INTS6L: variants seen among roughly 807,000 people sequenced by gnomAD.
INTS6L encodes the protein integrator complex subunit 6-like.
A neutral mutation model predicts 64.7 loss-of-function variants in INTS6L; 18 were observed. The observed-to-expected ratio is 0.28, with a 90% CI of 0.19 to 0.41. The LOEUF is 0.41. Among genes scored for constraint, INTS6L ranks in the 10% least tolerant of loss-of-function variants. INTS6L has a pLI of 1.00. For missense variants in INTS6L, 533 were observed against 661.0 expected (o/e 0.81, Z 2.12); for synonymous variants, 227 against 235.9 (o/e 0.96, Z 0.34).
At chrX:135,536,187 C>G (rs1556508641) in intron 2 of INTS6L, among the ~76,000 whole-genome samples, 1 of 112,089 alleles carries the variant, frequency 8.9e-6, no homozygotes, top group East Asian at 2.8e-4. Flanking sequence ...TGTGAAGGAG[C>G]CTGGCTTGTG....
intron 2 of INTS6L, among the ~76,000 whole-genome samples, chrX:135,541,314 C>T (rs184472031): frequency 2.7e-5 from 3 of 112,224 alleles, no homozygotes; most frequent in East Asian, 5.5e-4. Context: ...CTACTAGCCA[C>T]ATTAAAAAGT....
At chrX:135,572,617 T>C (rs1437042672) in intron 11 of INTS6L, 198 bp from the exon 12 acceptor site, 1 of 325,871 alleles carries the variant, frequency 3.1e-6, no homozygotes, top group Admixed American at 5.5e-5. Flanking sequence ...AAAAAAAATA[T>C]TATTTGTCTT....
chrX:135,574,029 A>G lies in INTS6L; in HGVS notation c.1708A>G (p.Lys570Glu). 8.3e-7 allele frequency: 1 copy of G among 1,204,802 alleles called. No individual in the cohort carries two copies. Among genetic ancestry groups the G allele is most frequent in the Non-Finnish European group, 1.1e-6 (1 of 893,371 alleles). Residue 570 changes from lysine to glutamate, a missense_variant, in exon 13 of 18, where the codon AAA (lysine) becomes GAA (glutamate). Coordinates refer to ENST00000639893, the MANE Select transcript of INTS6L (RefSeq NM_001351601.3). ...QLTRMRSNLLKTHKFIVGQDE... is the reference protein window; with the variant it reads ...QLTRMRSNLLETHKFIVGQDE... ...GACCAGAATGAGATCCAATCTGCTGAAAACGCACAAGTTTATTGTTGGACA... is the reference window on the plus strand; with the variant it reads ...GACCAGAATGAGATCCAATCTGCTGGAAACGCACAAGTTTATTGTTGGACA...
chrX:135,551,907 A>T, intron 7 of INTS6L, 87 bp from the exon 8 acceptor site: 1 of 887,871 alleles, frequency 1.1e-6, no homozygotes, highest in Non-Finnish European at 1.5e-6. Flanking sequence ...GTAACAAAAT[A>T]TAAAACGACT....
At chrX:135,524,700 G>C (rs905070511) in intron 2 of INTS6L, among the ~76,000 whole-genome samples, 8 of 111,756 alleles carry the variant, frequency 7.2e-5, no homozygotes, top group Non-Finnish European at 1.5e-4. Flanking sequence ...AATAAATCTT[G>C]TGAAAAGTTA....
In INTS6L at chrX:135,581,678, G is replaced by T; in HGVS notation, c.*42G>T. Reference sequence around the variant, plus strand: ...AAAAAAATGACAAGTTTTCTGTGCTGTAGGATGGAACAGGATATTGTTGAA... The same window carrying T: ...AAAAAAATGACAAGTTTTCTGTGCTTTAGGATGGAACAGGATATTGTTGAA... On this transcript the variant is annotated 3_prime_UTR_variant, in exon 18 of 18. Coordinates refer to ENST00000639893, the MANE Select transcript of INTS6L (RefSeq NM_001351601.3). 1 of 1,082,800 alleles carries T rather than the reference G, an allele frequency of 9.2e-7. No individual in the cohort carries two copies. Among genetic ancestry groups the T allele is most frequent in the Non-Finnish European group, 1.3e-6 (1 of 780,855 alleles). The allele number at this position is 1,082,800 out of a possible 1,213,427, so 89.2% of individuals were successfully genotyped here. A position where few individuals can be genotyped will look rare whatever the true frequency, so the allele number is the denominator to read the frequency against.
In INTS6L at chrX:135,522,496, A is replaced by G. The variant is rs782586764; in HGVS notation, c.189+1178A>G. On this transcript the variant is annotated intron_variant, in intron 2 of 17. Coordinates refer to ENST00000639893, the MANE Select transcript of INTS6L (RefSeq NM_001351601.3). ...AATTTAAACTGTTAAATCAACCTGCATAAGAGTCCTGCTTGCATATTGAAA... is the reference window on the plus strand; with the variant it reads ...AATTTAAACTGTTAAATCAACCTGCGTAAGAGTCCTGCTTGCATATTGAAA... Among the ~76,000 whole-genome samples the G allele has an allele frequency of 1.2e-4, 14 of 112,396 alleles. No individual in the cohort carries two copies. The East Asian group carries it at 3.1e-3, about 25-fold the overall frequency.
At position 135,549,590 on chromosome X, in the gene INTS6L, G is replaced by T. The variant is rs1301320236; in HGVS notation, c.743-52G>T. On this transcript the variant is annotated intron_variant, in intron 6 of 17. Coordinates refer to ENST00000639893, the MANE Select transcript of INTS6L (RefSeq NM_001351601.3). The stretch of plus-strand genomic sequence containing the variant: ...CTGGAAAATTTGTACAAGAAGATCA[G>T]CAGCTGTAAAAAGAAACTCACGCCT... The T allele has an allele frequency of 3.5e-6, 4 of 1,149,672 alleles. No individual in the cohort carries two copies. The East Asian group carries it at 1.2e-4, about 35-fold the overall frequency. 94.7% of individuals were successfully genotyped at this position (1,149,672 alleles called of 1,213,427 possible).
intron 12 of INTS6L, 78 bp downstream of exon 12, chrX:135,573,111 G>A (rs1230413908): frequency 3.4e-6 from 3 of 870,653 alleles, no homozygotes; most frequent in Admixed American, 2.8e-5. Context: ...CTTTAGTTTT[G>A]AAATAATGGA....
chrX:135,535,957 T>C (rs1471853318), intron 2 of INTS6L, among the ~76,000 whole-genome samples: 1 of 112,513 alleles, frequency 8.9e-6, no homozygotes, highest in Non-Finnish European at 1.9e-5. Context: ...GAAAGCAACA[T>C]GCATTGGCTT....
At position 135,563,661 on chromosome X, in the gene INTS6L, ATATATATAGC is replaced by A. The variant is rs1556523436; in HGVS notation, c.1193-5667_1193-5658del. Among the ~76,000 whole-genome samples, 46 of 4,968 alleles carry A rather than the reference ATATATATAGC, an allele frequency of 9.3e-3. 2 individuals are homozygous for A. Among genetic ancestry groups the A allele is most frequent in the South Asian group, 0.018 (1 of 57 alleles). 4.3% of individuals were successfully genotyped at this position (4,968 alleles called of 115,157 possible). The stretch of plus-strand genomic sequence containing the variant: ...TATATATATATATATATATATAGCT[ATATATATAGC>A]TATATATATAGCTAGGTATAGAATT... On this transcript the variant is annotated intron_variant, in intron 9 of 17. Transcript: ENST00000639893.
intron 7 of INTS6L, among the ~76,000 whole-genome samples, chrX:135,550,545 C>T (rs782259255): frequency 3.7e-5 from 4 of 109,336 alleles, no homozygotes; most frequent in Non-Finnish European, 7.6e-5. Flanking sequence ...CCTGAGTAAT[C>T]TCCCTTGTGT....
In INTS6L at chrX:135,552,129, C is replaced by T. The variant is rs1556517280; in HGVS notation, c.1042C>T (p.Pro348Ser). ...LTQYILERKS[P>S]HTCWQVFVTS... ...TCAGTATATCTTGGAACGAAAGTCTCCCCATACCTGCTGGCAGGTACTTAT... is the reference window on the plus strand; with the variant it reads ...TCAGTATATCTTGGAACGAAAGTCTTCCCATACCTGCTGGCAGGTACTTAT... Residue 348 changes from proline (P) to serine (S), a missense_variant, in exon 8 of 18, where the codon CCC becomes TCC. Transcript: ENST00000639893. The T allele has an allele frequency of 1.7e-6, 2 of 1,196,611 alleles. No individual in the cohort carries two copies. The highest frequency in any genetic ancestry group is 1.9e-5 in the South Asian group (1 of 53,326).
chrX:135,524,662 C>T (rs1241233701), intron 2 of INTS6L, among the ~76,000 whole-genome samples: 2 of 111,238 alleles, frequency 1.8e-5, no homozygotes, highest in Non-Finnish European at 3.8e-5. Flanking sequence ...TGCAACTCTT[C>T]CCAGTATATC....
chrX:135,523,402 CAAAAAAAAAAAAA>C (rs782434658), intron 2 of INTS6L, among the ~76,000 whole-genome samples: 16 of 36,972 alleles, frequency 4.3e-4, no homozygotes, highest in Non-Finnish European at 5.5e-4. Flanking sequence ...ACTCTGTCGT[CAAAAAAAAAAAAA>C]AAAAAAAAAA....
intron 2 of INTS6L, among the ~76,000 whole-genome samples, chrX:135,534,754 C>T (rs1464141042): frequency 9.5e-6 from 1 of 104,746 alleles, no homozygotes; most frequent in Non-Finnish European, 1.9e-5. Flanking sequence ...GTTATCGTAG[C>T]TCACTGTAGC....
At chrX:135,540,249 C>T (rs1344226569) in intron 2 of INTS6L, among the ~76,000 whole-genome samples, 2 of 111,739 alleles carry the variant, frequency 1.8e-5, no homozygotes, top group Non-Finnish European at 3.8e-5. Flanking sequence ...GTTGTCTGGC[C>T]TGGACAAGTT....
intron 9 of INTS6L, among the ~76,000 whole-genome samples, chrX:135,568,717 AT>A (rs1216881826): frequency 1.8e-5 from 2 of 108,722 alleles, no homozygotes; most frequent in Admixed American, 9.8e-5. Flanking sequence ...ATTTTTGTTT[AT>A]TTTTTTTATA....
intron 9 of INTS6L, among the ~76,000 whole-genome samples, chrX:135,568,870 C>T (rs1469261624): frequency 8.9e-6 from 1 of 111,974 alleles, no homozygotes; most frequent in Non-Finnish European, 1.9e-5. Context: ...AGAGCTTGCT[C>T]ATCACTGCCT....
Sources: allele counts gnomAD v4.1 joint callset (sites outside exome capture counted in the v4.1 genomes callset), GRCh38; gene constraint gnomAD v4.1.1; transcripts MANE v1.5; gene names NCBI Gene and HGNC (gene_info 2026-07-23, HGNC 2026-07-21).